The following EDEM3 variants were observed in gnomAD, a reference collection of about 807,000 sequenced individuals.
EDEM3 encodes ER degradation enhancing alpha-mannosidase like protein 3.
In EDEM3, 60 loss-of-function variants were observed where a neutral mutation model predicts 110.2. The ratio of observed to expected loss-of-function variants is 0.54; its 90% confidence interval spans 0.44 to 0.67. EDEM3 has a LOEUF of 0.67. EDEM3 is among the 30% of genes least tolerant of loss of function. The pLI is 0.00. For missense variants in EDEM3, 996 were observed against 1,121.0 expected (o/e 0.89, Z 1.59); for synonymous variants, 352 against 382.9 (o/e 0.92, Z 0.94).
At chr1:184,707,726 A>G (rs1048029052) in intron 17 of EDEM3, among the ~76,000 whole-genome samples, 12 of 152,162 alleles carry the variant, frequency 7.9e-5, no homozygotes, top group Non-Finnish European at 7.4e-5. Context: ...ATGATCTTCA[A>G]AGTTTGCCCA....
intron 2 of EDEM3, among the ~76,000 whole-genome samples, chr1:184,742,174 G>T (rs955649067): frequency 6.6e-6 from 1 of 152,068 alleles, no homozygotes; most frequent in Non-Finnish European, 1.5e-5. Flanking sequence ...ACACAGAAAG[G>T]GGGGGAAATA....
At chr1:184,701,428 G>T in intron 19 of EDEM3, 2 of 919,442 alleles carry the variant, frequency 2.2e-6, no homozygotes, top group Non-Finnish European at 2.8e-6. Context: ...ATGTACTTGA[G>T]TGTGTGTACA....
intron 13 of EDEM3, among the ~76,000 whole-genome samples, chr1:184,714,131 C>T (rs56052644): frequency 6.6e-6 from 1 of 152,106 alleles, no homozygotes; most frequent in Admixed American, 6.5e-5. Context: ...GAACTGCAGA[C>T]AGATGAGCAG....
intron 14 of EDEM3, among the ~76,000 whole-genome samples, chr1:184,712,117 G>A (rs1401478029): frequency 1.3e-5 from 2 of 151,796 alleles, no homozygotes; most frequent in African/African-American, 4.8e-5. Flanking sequence ...TAGTAGAGAC[G>A]GGGTTTCACC....
intron 19 of EDEM3, 36 bp downstream of exon 19, chr1:184,702,775 C>A (rs10911637): frequency 0.062 from 89,942 of 1,440,666 alleles, 3,231 homozygotes; most frequent in African/African-American, 0.13. Flanking sequence ...ATTAATATTA[C>A]GCTGCATAAA....
intron 19 of EDEM3, among the ~76,000 whole-genome samples, chr1:184,699,287 C>T (rs1649488425): frequency 1.3e-5 from 2 of 151,594 alleles, no homozygotes; most frequent in Admixed American, 6.6e-5. Context: ...CATAGTAGAA[C>T]TGTATTAAAA....
At chr1:184,736,888 G>C (rs1651856647) in intron 4 of EDEM3, 137 bp downstream of exon 4, 10 of 681,796 alleles carry the variant, frequency 1.5e-5, no homozygotes, top group Admixed American at 2.8e-5. Context: ...CAGTGTAAAA[G>C]ATTTATTTAG....
At chr1:184,741,483 G>A (rs1052103411) in intron 2 of EDEM3, among the ~76,000 whole-genome samples, 1 of 152,046 alleles carries the variant, frequency 6.6e-6, no homozygotes, top group Non-Finnish European at 1.5e-5. Context: ...TTACCATATA[G>A]TAAATAATAG....
rs1649040398 is a variant in EDEM3 at position 184,691,024 on chromosome 1, G to C, written c.*3039C>G. 6.6e-6 allele frequency: 1 copy of C among 152,446 alleles called. No homozygotes were observed. The highest frequency in any genetic ancestry group is 2.4e-5 in the African/African-American group (1 of 41,424). The allele number at this position is 152,446 out of a possible 1,614,324, so 9.4% of individuals were successfully genotyped here. On this transcript the variant is annotated 3_prime_UTR_variant, in exon 20 of 20. Coordinates refer to ENST00000318130, the MANE Select transcript of EDEM3 (RefSeq NM_025191.4). ...TTTAAATTTTAAAAGCTTCTTGAGA[G>C]AGTAATTACATTAGTGAAGTTAAAA...
At position 184,694,402 on chromosome 1, in the gene EDEM3, A is replaced by G. The variant is rs772177019; in HGVS notation, c.2460T>C (p.Ile820=). Residue 820 remains isoleucine (I), a synonymous_variant, in exon 20 of 20, where the codon ATT becomes ATC. Coordinates refer to ENST00000318130, the MANE Select transcript of EDEM3 (RefSeq NM_025191.4). The part of the protein sequence containing the change: ...NDSQNQSGEQ[I]SSSSQEVDLV... ...AATCAACCTCCTGAGAACTTGATGA[A>G]ATCTGTTCACCACTCTGATTCTGAG... The G allele has an allele frequency of 1.9e-6, 3 of 1,612,078 alleles. No individual in the cohort carries two copies. The highest frequency in any genetic ancestry group is 1.7e-6 in the Non-Finnish European group (2 of 1,179,384).
intron 14 of EDEM3, 72 bp from the exon 15 acceptor site, chr1:184,711,949 T>TG (rs1650268241): frequency 1.8e-6 from 2 of 1,112,546 alleles, no homozygotes; most frequent in East Asian, 2.8e-5. Flanking sequence ...TTTTTTGAAA[T>TG]GGAGTCTCAC....
chr1:184,749,713 AT>A, intron 1 of EDEM3, 121 bp from the exon 2 acceptor site: 1 of 801,032 alleles, frequency 1.2e-6, no homozygotes, highest in Non-Finnish European at 1.9e-6. Flanking sequence ...CAAAAGAAAA[AT>A]TTAGGTAGAA....
Position 184,745,523 on chromosome 1 carries a change from T to C in EDEM3, c.204+4024A>G, listed in dbSNP as rs143459043. Among the ~76,000 whole-genome samples, 12 of 152,236 alleles carry C rather than the reference T, an allele frequency of 7.9e-5. No individual in the cohort carries two copies. In the East Asian group the frequency reaches 2.3e-3, roughly 29 times the overall value. On this transcript the variant is annotated intron_variant, in intron 2 of 19. Transcript: ENST00000318130. ...GAATGTACTTAATGCCACAAAACTG[T>C]AAACTTAAATGGTTAAAATGGTAAA...
chr1:184,737,587 G>A (rs1651902847), intron 3 of EDEM3, 24 bp downstream of exon 3: 2 of 1,607,444 alleles, frequency 1.2e-6, no homozygotes, highest in East Asian at 4.5e-5. Context: ...GAGATGCCAT[G>A]CCATGCCCTG....
At position 184,754,828 on chromosome 1, in the gene EDEM3, C is replaced by A; in HGVS notation, c.-182G>T. On this transcript the variant is annotated 5_prime_UTR_variant, in exon 1 of 20. Coordinates refer to ENST00000318130, the MANE Select transcript of EDEM3 (RefSeq NM_025191.4). ...AAGCCGGTCCCCAGCGCCAGCGCTG[C>A]CACCGCCCTCCGCCCTCAGTATCCC... is the stretch of plus-strand genomic sequence containing the variant. 1.0e-6 allele frequency: 1 copy of A among 980,992 alleles called. No individual in the cohort carries two copies. The highest frequency in any genetic ancestry group is 1.7e-5 in the African/African-American group (1 of 57,570). The allele number at this position is 980,992 out of a possible 1,614,324, so 60.8% of individuals were successfully genotyped here. A position where few individuals can be genotyped will look rare whatever the true frequency, so the allele number is the denominator to read the frequency against.
chr1:184,734,680 A>G, intron 4 of EDEM3, 37 bp from the exon 5 acceptor site: 1 of 837,794 alleles, frequency 1.2e-6, no homozygotes. Flanking sequence ...GTTCTTTTCT[A>G]CCAAGACAAG....
At chr1:184,713,865 A>G (rs1173447430) in intron 13 of EDEM3, among the ~76,000 whole-genome samples, 1 of 152,226 alleles carries the variant, frequency 6.6e-6, no homozygotes, top group East Asian at 1.9e-4. Flanking sequence ...CTGAGATATT[A>G]AATGTCAATT....
intron 16 of EDEM3, 118 bp from the exon 17 acceptor site, chr1:184,708,462 G>C: frequency 1.0e-6 from 1 of 972,502 alleles, no homozygotes; most frequent in Non-Finnish European, 1.5e-6. Context: ...TTCACTTTAG[G>C]TCACCACCAA....
intron 19 of EDEM3, among the ~76,000 whole-genome samples, chr1:184,700,959 T>G (rs1250991827): frequency 1.3e-5 from 2 of 152,032 alleles, no homozygotes; most frequent in African/African-American, 4.8e-5. Context: ...CAATCACAGT[T>G]CAATAAATTT....
Sources: gnomAD v4.1 joint callset for allele counts (sites outside exome capture counted in the v4.1 genomes callset) on GRCh38, gnomAD v4.1.1 for gene constraint, MANE v1.5 for transcripts, NCBI Gene and HGNC (gene_info 2026-07-23, HGNC 2026-07-21) for gene names.